The following FSTL5 variants were observed in gnomAD, a reference collection of about 807,000 sequenced individuals.
The protein encoded by FSTL5 is follistatin like 5.
Under a neutral mutation model 89.1 loss-of-function variants are expected in FSTL5, and 62 were observed. That is an observed-to-expected ratio of 0.70 (90% CI 0.57 to 0.86). FSTL5 has a LOEUF of 0.86. FSTL5 is among the 40% of genes least tolerant of loss of function. FSTL5 has a pLI of 0.00. For synonymous variants in FSTL5, 383 were observed against 346.2 expected (o/e 1.11, Z -1.18); for missense variants, 1,057 against 1,001.6 (o/e 1.06, Z -0.75).
At chr4:162,053,662 C>G (rs1232152151) in intron 2 of FSTL5, among the ~76,000 whole-genome samples, 3 of 151,196 alleles carry the variant, frequency 2.0e-5, no homozygotes, top group Admixed American at 2.0e-4. Flanking sequence ...GGTATAAGAT[C>G]CTTTTATATG....
At chr4:161,603,841 A>C (rs904948508) in intron 7 of FSTL5, among the ~76,000 whole-genome samples, 6 of 152,072 alleles carry the variant, frequency 3.9e-5, no homozygotes, top group Non-Finnish European at 8.8e-5. Flanking sequence ...ATATGCCCCA[A>C]AGATTAAGAA....
chr4:161,978,342 A>G (rs1041929226), intron 3 of FSTL5, among the ~76,000 whole-genome samples: 11 of 152,158 alleles, frequency 7.2e-5, no homozygotes, highest in African/African-American at 2.7e-4. Flanking sequence ...AAAACAAAAG[A>G]AAACAAAACA....
At chr4:161,443,033 C>T (rs930401259) in intron 15 of FSTL5, among the ~76,000 whole-genome samples, 6 of 151,838 alleles carry the variant, frequency 4.0e-5, no homozygotes, top group African/African-American at 1.2e-4. Flanking sequence ...CCTGCATTTT[C>T]AATGTTAGCT....
chr4:161,495,804 C>A (rs552846195), intron 12 of FSTL5, among the ~76,000 whole-genome samples: 1 of 152,024 alleles, frequency 6.6e-6, no homozygotes, highest in Non-Finnish European at 1.5e-5. Context: ...CATATTTAAT[C>A]CCTTTTCATG....
chr4:161,504,236 A>G (rs529385755), intron 11 of FSTL5, among the ~76,000 whole-genome samples: 3 of 152,032 alleles, frequency 2.0e-5, no homozygotes, highest in African/African-American at 7.2e-5. Context: ...CTAATACTAA[A>G]TATTAGTAGA....
chr4:161,901,830 G>A (rs1318315785), intron 4 of FSTL5, among the ~76,000 whole-genome samples: 5 of 152,124 alleles, frequency 3.3e-5, no homozygotes, highest in Admixed American at 2.0e-4. Flanking sequence ...AGCTACTCGG[G>A]AGGCCGAGGT....
intron 4 of FSTL5, among the ~76,000 whole-genome samples, chr4:161,776,828 G>T (rs1323010763): frequency 6.6e-6 from 1 of 151,874 alleles, no homozygotes; most frequent in Non-Finnish European, 1.5e-5. Context: ...CAGGGTAATT[G>T]GGATATGGAT....
At chr4:162,147,648 C>A (rs908850246) in intron 1 of FSTL5, among the ~76,000 whole-genome samples, 2 of 152,168 alleles carry the variant, frequency 1.3e-5, no homozygotes, top group African/African-American at 4.8e-5. Context: ...TTTGAAGAGG[C>A]TTTCCAGAAA....
chr4:161,981,414 A>G (rs1257192768), intron 3 of FSTL5, among the ~76,000 whole-genome samples: 4 of 152,196 alleles, frequency 2.6e-5, no homozygotes, highest in African/African-American at 9.6e-5. Flanking sequence ...ATTATCTAGC[A>G]AAGCTCTGTG....
At chr4:162,088,075 A>AT (rs201005295) in intron 2 of FSTL5, among the ~76,000 whole-genome samples, 1 of 151,856 alleles carries the variant, frequency 6.6e-6, no homozygotes, top group Non-Finnish European at 1.5e-5. Flanking sequence ...TAACTGCTAG[A>AT]TTTTTTTTCT....
intron 7 of FSTL5, among the ~76,000 whole-genome samples, chr4:161,619,477 C>G (rs1411289757): frequency 6.6e-6 from 1 of 152,134 alleles, no homozygotes; most frequent in Non-Finnish European, 1.5e-5. Context: ...CTACAATGAA[C>G]TCAAATAAAT....
intron 6 of FSTL5, among the ~76,000 whole-genome samples, chr4:161,747,853 T>C (rs1294999615): frequency 6.6e-6 from 1 of 152,188 alleles, no homozygotes; most frequent in Admixed American, 6.5e-5. Flanking sequence ...TTAACTTCAA[T>C]CTATTTTTAA....
intron 13 of FSTL5, among the ~76,000 whole-genome samples, chr4:161,467,437 T>C (rs1211372981): frequency 6.6e-6 from 1 of 152,120 alleles, no homozygotes; most frequent in Non-Finnish European, 1.5e-5. Flanking sequence ...TTTTACAAAA[T>C]TAACTTTGTA....
chr4:161,624,463 T>A, intron 7 of FSTL5, among the ~76,000 whole-genome samples: 1 of 151,872 alleles, frequency 6.6e-6, no homozygotes, highest in East Asian at 1.9e-4. Context: ...AACTTACAAT[T>A]TGACAATTTT....
chr4:161,549,462 G>A (rs892890442), intron 8 of FSTL5, among the ~76,000 whole-genome samples: 7 of 151,878 alleles, frequency 4.6e-5, no homozygotes, highest in South Asian at 2.1e-4. Context: ...TGATGTAGCC[G>A]GGTGACTTGT....
chr4:162,079,857 T>A (rs947350491), intron 2 of FSTL5, among the ~76,000 whole-genome samples: 1 of 151,368 alleles, frequency 6.6e-6, no homozygotes, highest in African/African-American at 2.4e-5. Context: ...GAATGTGGGA[T>A]GAGGAGCAAG....
intron 6 of FSTL5, among the ~76,000 whole-genome samples, chr4:161,728,041 G>A (rs1365190352): frequency 6.6e-6 from 1 of 152,068 alleles, no homozygotes; most frequent in Non-Finnish European, 1.5e-5. Flanking sequence ...AAATTTATGA[G>A]GATGGAAAAT....
At chr4:161,677,327 G>A (rs1429221292) in intron 6 of FSTL5, among the ~76,000 whole-genome samples, 2 of 151,920 alleles carry the variant, frequency 1.3e-5, no homozygotes, top group African/African-American at 2.4e-5. Flanking sequence ...CAAAGAGAAA[G>A]AAGTTAGAAG....
intron 15 of FSTL5, among the ~76,000 whole-genome samples, chr4:161,440,740 A>C (rs1732731585): frequency 6.6e-6 from 1 of 152,112 alleles, no homozygotes. Context: ...GGCCTTGAGG[A>C]AATAAAGGTC....
Sources: gnomAD v4.1 joint callset for allele counts (sites outside exome capture counted in the v4.1 genomes callset) on GRCh38, gnomAD v4.1.1 for gene constraint, MANE v1.5 for transcripts, NCBI Gene and HGNC (gene_info 2026-07-23, HGNC 2026-07-21) for gene names.